Variants in PHEX observed in about 807,000 individuals in gnomAD.
PHEX encodes phosphate regulating endopeptidase X-linked.
A neutral mutation model predicts 68.0 loss-of-function variants in PHEX; 16 were observed. The ratio of observed to expected loss-of-function variants is 0.24; its 90% CI spans 0.16 to 0.36. The LOEUF is 0.36. PHEX is among the 10% of genes least tolerant of loss of function. The pLI is 1.00. For missense variants in PHEX, 480 were observed against 575.5 expected, an observed-to-expected ratio of 0.83 and a Z score of 1.70; for synonymous variants, 208 against 205.1, an observed-to-expected ratio of 1.01 and a Z score of -0.12.
At chrX:22,040,821 T>C (rs997040058) in intron 2 of PHEX, among the ~76,000 whole-genome samples, 1 of 109,200 alleles carries the variant, frequency 9.2e-6, no homozygotes, top group Non-Finnish European at 1.9e-5. Flanking sequence ...TGGAGGCTTT[T>C]ATGAAAGAGA....
intron 18 of PHEX, 31 bp downstream of exon 18, chrX:22,221,774 T>C: frequency 8.5e-7 from 1 of 1,175,347 alleles, no homozygotes; most frequent in Admixed American, 2.2e-5. Context: ...GGGGGGCACC[T>C]TGTGGTTCAT....
intron 18 of PHEX, among the ~76,000 whole-genome samples, chrX:22,225,429 C>T (rs1013606923): frequency 2.7e-5 from 3 of 111,496 alleles, no homozygotes; most frequent in East Asian, 2.8e-4. Context: ...GGGATCAGGA[C>T]GCAGACATCT....
At chrX:22,142,111 G>A (rs1412610022) in intron 12 of PHEX, among the ~76,000 whole-genome samples, 1 of 111,343 alleles carries the variant, frequency 9.0e-6, no homozygotes, top group African/African-American at 3.3e-5. Flanking sequence ...AATTAGCCGG[G>A]TGTGGTGGCA....
intron 6 of PHEX, 59 bp from the exon 7 acceptor site, chrX:22,093,924 C>G: frequency 2.7e-6 from 2 of 732,629 alleles, no homozygotes; most frequent in Non-Finnish European, 4.3e-6. Flanking sequence ...TTCCATGTCT[C>G]TCAAACATAT....
Position 22,104,452 on chromosome X carries a change from G to A in PHEX, c.1079+5301G>A, listed in dbSNP as rs745952544. 2.7e-5 allele frequency among the ~76,000 whole-genome samples: 3 copies of A among 110,901 alleles called. No individual in the cohort carries two copies. The East Asian group carries it at 8.5e-4, about 32-fold the overall frequency. On this transcript the variant is annotated intron_variant, in intron 9 of 21. Coordinates refer to ENST00000379374, the MANE Select transcript of PHEX (RefSeq NM_000444.6). The stretch of plus-strand genomic sequence containing the variant: ...AGAGCTGGTGTTTGAGGTGGAAAGG[G>A]GGGTGGGGTAAGGAGGTAGTGATGA...
intron 9 of PHEX, among the ~76,000 whole-genome samples, chrX:22,108,293 A>T (rs780365465): frequency 9.0e-6 from 1 of 111,253 alleles, no homozygotes; most frequent in African/African-American, 3.3e-5. Flanking sequence ...CTATATCTTT[A>T]TTTAAATTTA....
Position 22,094,092 on chromosome X carries a change from T to C in PHEX, c.842T>C (p.Ile281Thr). Residue 281 changes from isoleucine (I) to threonine (T), a missense_variant, in exon 7 of 22, where the codon ATA (isoleucine) becomes ACA (threonine). Physicochemically the swap from Ile to Thr is moderately conservative, Grantham distance 89 (BLOSUM62 -1). Transcript: ENST00000379374. ...MKSVLRLEIK[I>T]AEIMIPHENR... ...TCAGTGCTCAGATTGGAAATTAAGA[T>C]AGCTGAGGTAAGTCTTCACTGAAAA... 1 of 1,085,806 alleles carries C rather than the reference T, an allele frequency of 9.2e-7. No homozygotes were observed. Among genetic ancestry groups the C allele is most frequent in the South Asian group, 1.8e-5 (1 of 54,162 alleles). 89.5% of individuals were successfully genotyped at this position (1,085,806 alleles called of 1,213,427 possible). A position where few individuals can be genotyped will look rare whatever the true frequency, so the allele number is the denominator to read the frequency against.
Position 22,032,787 on chromosome X carries a change from G to A in PHEX, c.-219G>A. 4.7e-6 allele frequency: 2 copies of A among 421,137 alleles called. No homozygotes were observed. Among genetic ancestry groups the A allele is most frequent in the South Asian group, 6.7e-5 (2 of 30,003 alleles). 34.7% of individuals were successfully genotyped at this position (421,137 alleles called of 1,213,427 possible). A position where few individuals can be genotyped will look rare whatever the true frequency, so the allele number is the denominator to read the frequency against. On this transcript the variant is annotated 5_prime_UTR_variant, in exon 1 of 22. Transcript: ENST00000379374. ...ACACTGTTTGTTTTGTCTAGTCAGG[G>A]GGAAAGCCAAGGCAACCAATATTTT... is the stretch of plus-strand genomic sequence containing the variant.
rs3795242 is a variant in PHEX, at chrX:22,227,928, G to A, written c.2070+317G>A. ...TACTATTTATTTGTAACCATTTCTA[G>A]TAACTTGCTCTTTGGCTTTCATGGG... On this transcript the variant is annotated intron_variant, in intron 20 of 21. Coordinates refer to ENST00000379374, the MANE Select transcript of PHEX (RefSeq NM_000444.6). 0.37 allele frequency among the ~76,000 whole-genome samples: 40,904 copies of A among 109,930 alleles called. 5,892 individuals are homozygous for A. The highest frequency in any genetic ancestry group is 0.47 in the African/African-American group (14,149 of 30,114).
At position 22,234,866 on chromosome X, in the gene PHEX, G is replaced by GACAAAC. The variant is rs1569438166; in HGVS notation, c.2070+7256_2070+7257insCAAACA. On this transcript the variant is annotated intron_variant, in intron 20 of 21. Coordinates refer to ENST00000379374, the MANE Select transcript of PHEX (RefSeq NM_000444.6). Reference sequence around the variant, plus strand: ...ACACACACAGAAAAACAACAACAATGAAACAACAAAAAACTCTTGCAGCTA... The same window carrying GACAAAC: ...ACACACACAGAAAAACAACAACAATGACAAACAAACAACAAAAAACTCTTGCAGCTA... 5.8e-3 allele frequency among the ~76,000 whole-genome samples: 629 copies of GACAAAC among 108,839 alleles called. 6 individuals are homozygous for GACAAAC. The highest frequency in any genetic ancestry group is 0.02 in the African/African-American group (607 of 29,822). The allele number at this position is 108,839 out of a possible 115,157, so 94.5% of individuals were successfully genotyped here.
chrX:22,071,418 A>G (rs1377244299), intron 3 of PHEX, among the ~76,000 whole-genome samples: 1 of 111,477 alleles, frequency 9.0e-6, no homozygotes, highest in Non-Finnish European at 1.9e-5. Context: ...CCAGCTTCTC[A>G]TAGTTCTTTT....
At chrX:22,130,386 A>G (rs1031473607) in intron 11 of PHEX, among the ~76,000 whole-genome samples, 1 of 108,924 alleles carries the variant, frequency 9.2e-6, no homozygotes, top group Non-Finnish European at 1.9e-5. Flanking sequence ...CTAAAAATAC[A>G]CAAAAATTAG....
intron 16 of PHEX, among the ~76,000 whole-genome samples, chrX:22,214,405 G>A (rs1050264890): frequency 9.2e-6 from 1 of 108,183 alleles, no homozygotes. Context: ...CCCCTTTACT[G>A]TGTAACATAA....
In PHEX at chrX:22,248,280, G is replaced by C. The variant is rs748836233; in HGVS notation, c.*327G>C. On this transcript the variant is annotated 3_prime_UTR_variant, in exon 22 of 22. Transcript: ENST00000379374. ...GTTGGCCACAGTTATGTGGTACATAGCATTTCAATCTATAGCTTTGTGGGA... is the reference window on the plus strand; with the variant it reads ...GTTGGCCACAGTTATGTGGTACATACCATTTCAATCTATAGCTTTGTGGGA... The C allele has an allele frequency of 3.9e-5, 10 of 258,688 alleles. No homozygotes were observed. The South Asian group carries it at 5.1e-4, about 13-fold the overall frequency. 21.3% of individuals were successfully genotyped at this position (258,688 alleles called of 1,213,427 possible).
intron 16 of PHEX, 51 bp from the exon 17 acceptor site, chrX:22,218,985 C>T: frequency 1.2e-6 from 1 of 854,404 alleles, no homozygotes; most frequent in Non-Finnish European, 1.8e-6. Flanking sequence ...AAGGATTATG[C>T]TCTGAGATTC....
intron 10 of PHEX, 73 bp from the exon 11 acceptor site, chrX:22,114,384 CA>C: frequency 5.1e-6 from 5 of 979,868 alleles, no homozygotes; most frequent in Non-Finnish European, 7.3e-6. Flanking sequence ...CTGTTTTCTT[CA>C]GGTTGTTTGA....
At chrX:22,037,168 A>C (rs758650712) in intron 1 of PHEX, among the ~76,000 whole-genome samples, 1 of 110,787 alleles carries the variant, frequency 9.0e-6, no homozygotes. Flanking sequence ...ATGTAACACA[A>C]TGCAATGCAA....
intron 15 of PHEX, among the ~76,000 whole-genome samples, chrX:22,193,787 C>A (rs777087762): frequency 8.9e-6 from 1 of 111,974 alleles, no homozygotes; most frequent in African/African-American, 3.2e-5. Context: ...GGGTATACAT[C>A]CAGGAGTGGA....
In PHEX at chrX:22,249,455, A is replaced by AAAAAAAAAAATAT; in HGVS notation, c.*1503_*1504insAAAAAAAAATATA. ...TTGTGATTCTTTTAAAAAAAAAAAA[A>AAAAAAAAAAATAT]ATATATATATATATATATATATATA... is the stretch of plus-strand genomic sequence containing the variant. On this transcript the variant is annotated 3_prime_UTR_variant, in exon 22 of 22. Transcript: ENST00000379374. 20 of 39,752 alleles carry AAAAAAAAAAATAT rather than the reference A, an allele frequency of 5.0e-4. No individual in the cohort carries two copies. Among genetic ancestry groups the AAAAAAAAAAATAT allele is most frequent in the African/African-American group, 3.0e-3 (18 of 6,011 alleles). The allele number at this position is 39,752 out of a possible 1,213,427, so 3.3% of individuals were successfully genotyped here.
Sources: gnomAD v4.1 joint callset for allele counts (sites outside exome capture counted in the v4.1 genomes callset) on GRCh38, gnomAD v4.1.1 for gene constraint, MANE v1.5 for transcripts, NCBI Gene and HGNC (gene_info 2026-07-23, HGNC 2026-07-21) for gene names.